PLCH1: variants seen among roughly 807,000 people sequenced by gnomAD.
PLCH1 encodes phospholipase C eta 1.
A neutral mutation model predicts 126.7 loss-of-function variants in PLCH1; 60 were observed. That is an observed-to-expected ratio of 0.47 (90% confidence interval 0.38 to 0.59). The LOEUF (loss-of-function observed/expected upper bound fraction) is 0.59, where lower values mean the gene tolerates loss of function less well. PLCH1 is among the 20% of genes least tolerant of loss of function. The probability of loss-of-function intolerance (pLI) is 0.00; values close to 1 mark genes in which losing one functional copy is unlikely to be tolerated. For missense variants in PLCH1, 1,723 were observed against 2,040.0 expected (o/e 0.84, Z 2.99); for synonymous variants, 719 against 734.9 (o/e 0.98, Z 0.35).
chr3:155,614,144 TAGATGACACAAACAA>T, intron 2 of PLCH1, among the ~76,000 whole-genome samples: 1 of 152,184 alleles, frequency 6.6e-6, no homozygotes, highest in Non-Finnish European at 1.5e-5. Context: ...AAAGAAATCA[TAGATGACACAAACAA>T]ATGGAAACAC....
chr3:155,566,100 A>AAG (rs1553838758), intron 7 of PLCH1, among the ~76,000 whole-genome samples: 1 of 74,300 alleles, frequency 1.3e-5, no homozygotes, highest in African/African-American at 4.1e-5. Context: ...AATATAACCT[A>AAG]ATATATATAT....
chr3:155,646,104 GTT>G (rs2108875685), intron 2 of PLCH1, among the ~76,000 whole-genome samples: 1 of 152,266 alleles, frequency 6.6e-6, no homozygotes, highest in African/African-American at 2.4e-5. Flanking sequence ...TGAAAGGTGT[GTT>G]TCTGGAGAGC....
intron 2 of PLCH1, among the ~76,000 whole-genome samples, chr3:155,664,481 G>A (rs980196272): frequency 3.6e-4 from 55 of 152,214 alleles, no homozygotes; most frequent in Non-Finnish European, 2.9e-4. Context: ...GTTTTAGGCT[G>A]TGTGGTCCAT....
intron 2 of PLCH1, among the ~76,000 whole-genome samples, chr3:155,636,496 C>G (rs551645026): frequency 3.9e-5 from 6 of 151,970 alleles, no homozygotes; most frequent in Admixed American, 2.6e-4. Flanking sequence ...GCCTGTAATC[C>G]CAGCACTTTG....
intron 12 of PLCH1, 68 bp from the exon 13 acceptor site, chr3:155,504,694 G>A: frequency 9.7e-7 from 1 of 1,034,402 alleles, no homozygotes; most frequent in Non-Finnish European, 1.5e-6. Context: ...TAGTTCTGGT[G>A]GAATAGCAAG....
chr3:155,456,803 C>T (rs1712454466), intron 21 of PLCH1: 1 of 152,906 alleles, frequency 6.5e-6, no homozygotes, highest in South Asian at 2.1e-4. Context: ...CAACCCCTTT[C>T]CCACCTTTTT....
chr3:155,657,140 T>C (rs1243007134), intron 2 of PLCH1, among the ~76,000 whole-genome samples: 1 of 151,398 alleles, frequency 6.6e-6, no homozygotes, highest in Admixed American at 6.6e-5. Context: ...GAAAAGAGAC[T>C]TCTGCTTCCA....
intron 19 of PLCH1, 103 bp downstream of exon 19, chr3:155,490,681 G>A (rs1387198001): frequency 1.4e-5 from 9 of 657,766 alleles, no homozygotes; most frequent in Middle Eastern, 2.5e-4. Context: ...TGGGAGTTAC[G>A]GATTTTAGAG....
intron 18 of PLCH1, among the ~76,000 whole-genome samples, chr3:155,491,415 A>C (rs1716182852): frequency 6.6e-6 from 1 of 151,880 alleles, no homozygotes; most frequent in Admixed American, 6.6e-5. Context: ...AGGATTGTGC[A>C]CCACACCTGG....
At chr3:155,663,280 G>A (rs756927851) in intron 2 of PLCH1, among the ~76,000 whole-genome samples, 1 of 152,174 alleles carries the variant, frequency 6.6e-6, no homozygotes, top group East Asian at 1.9e-4. Context: ...AAAGACAAAA[G>A]AGCAATCTAC....
chr3:155,685,595 A>G (rs77764834), intron 2 of PLCH1, among the ~76,000 whole-genome samples: 6,668 of 152,316 alleles, frequency 0.044, 194 homozygotes, highest in East Asian at 0.092. Flanking sequence ...AAAGACTTCA[A>G]TTCAAATCCT....
At chr3:155,470,079 T>C (rs1713129239) in intron 21 of PLCH1, among the ~76,000 whole-genome samples, 1 of 152,108 alleles carries the variant, frequency 6.6e-6, no homozygotes, top group South Asian at 2.1e-4. Flanking sequence ...GGATGGAGAA[T>C]GACTTTGACG....
At chr3:155,682,814 T>A (rs1744641516) in intron 2 of PLCH1, among the ~76,000 whole-genome samples, 1 of 152,154 alleles carries the variant, frequency 6.6e-6, no homozygotes, top group Non-Finnish European at 1.5e-5. Context: ...ACACTTAAAT[T>A]GCAAACCCAG....
intron 1 of PLCH1, among the ~76,000 whole-genome samples, chr3:155,716,324 G>A (rs865799854): frequency 9.4e-5 from 14 of 149,198 alleles, no homozygotes; most frequent in Admixed American, 3.3e-4. Context: ...AAGTTAGGAG[G>A]TGTGATCTTC....
At chr3:155,704,331 T>A (rs1289153336) in intron 1 of PLCH1, 67 bp from the exon 2 acceptor site, 2 of 421,164 alleles carry the variant, frequency 4.7e-6, no homozygotes, top group Non-Finnish European at 8.1e-6. Flanking sequence ...ACTGGTAGCA[T>A]AATGCCATCG....
chr3:155,720,701 G>T (rs926433033), intron 1 of PLCH1, among the ~76,000 whole-genome samples: 3 of 152,062 alleles, frequency 2.0e-5, no homozygotes, highest in African/African-American at 7.2e-5. Context: ...TATTTCTTTT[G>T]CTGTGCAGAA....
chr3:155,734,909 C>T (rs1053263315), intron 1 of PLCH1, among the ~76,000 whole-genome samples: 5 of 152,038 alleles, frequency 3.3e-5, no homozygotes, highest in Non-Finnish European at 7.4e-5. Context: ...CGGGGTTTCA[C>T]CATATTAGCC....
chr3:155,451,457 G>T (rs1379436193), intron 21 of PLCH1, among the ~76,000 whole-genome samples: 2 of 152,190 alleles, frequency 1.3e-5, no homozygotes, highest in Non-Finnish European at 2.9e-5. Flanking sequence ...TAGAAGGTGT[G>T]ATGGTTCATT....
intron 21 of PLCH1, among the ~76,000 whole-genome samples, chr3:155,452,618 C>T (rs1712338193): frequency 6.6e-6 from 1 of 151,978 alleles, no homozygotes; most frequent in African/African-American, 2.4e-5. Context: ...TCAAGTATGG[C>T]TTGATCTGAA....
Sources: gnomAD v4.1 joint callset for allele counts (sites outside exome capture counted in the v4.1 genomes callset) on GRCh38, gnomAD v4.1.1 for gene constraint, MANE v1.5 for transcripts, NCBI Gene and HGNC (gene_info 2026-07-23, HGNC 2026-07-21) for gene names.